Variants in ST6GALNAC3 observed in about 807,000 individuals in gnomAD.
The protein encoded by ST6GALNAC3 is alpha-N-acetylgalactosaminide alpha-2,6-sialyltransferase 3.
ST6GALNAC3 carries 25 observed loss-of-function variants against 32.7 expected under a neutral mutation model. That is an observed-to-expected ratio of 0.76 (90% CI 0.56 to 1.07). The LOEUF is 1.07. Among genes scored for constraint, ST6GALNAC3 ranks in the 50% least tolerant of loss-of-function variants. The probability of loss-of-function intolerance (pLI) is 0.00; values close to 1 mark genes in which losing one functional copy is unlikely to be tolerated. For synonymous variants in ST6GALNAC3, 129 were observed against 133.1 expected (o/e 0.97, Z 0.21); for missense variants, 355 against 382.4 (o/e 0.93, Z 0.60).
intron 1 of ST6GALNAC3, among the ~76,000 whole-genome samples, chr1:76,117,725 C>G (rs1648574720): frequency 1.3e-5 from 2 of 152,148 alleles, no homozygotes; most frequent in African/African-American, 4.8e-5. Context: ...GTAAGATAAT[C>G]AACTACTCTG....
At chr1:76,458,233 C>A (rs1571297384) in intron 3 of ST6GALNAC3, among the ~76,000 whole-genome samples, 23 of 14,640 alleles carry the variant, frequency 1.6e-3, no homozygotes, top group Middle Eastern at 0.021. Flanking sequence ...AGTCAGGAAA[C>A]AACAGGTGCT....
chr1:76,210,442 T>C (rs1268674121), intron 1 of ST6GALNAC3, among the ~76,000 whole-genome samples: 2 of 152,212 alleles, frequency 1.3e-5, no homozygotes, highest in African/African-American at 4.8e-5. Flanking sequence ...GATTGAACCT[T>C]ATCTATATTG....
chr1:76,268,701 G>T (rs1292469556), intron 1 of ST6GALNAC3, among the ~76,000 whole-genome samples: 1 of 152,222 alleles, frequency 6.6e-6, no homozygotes, highest in Non-Finnish European at 1.5e-5. Context: ...AAGTAGATGT[G>T]CTGGAAGTTG....
intron 1 of ST6GALNAC3, among the ~76,000 whole-genome samples, chr1:76,170,896 A>G (rs576959207): frequency 2.0e-5 from 3 of 152,334 alleles, no homozygotes; most frequent in Non-Finnish European, 4.4e-5. Context: ...ATGAGTTTTT[A>G]AACATTTTCC....
At chr1:76,501,924 A>G (rs1661197934) in intron 3 of ST6GALNAC3, among the ~76,000 whole-genome samples, 1 of 152,214 alleles carries the variant, frequency 6.6e-6, no homozygotes, top group African/African-American at 2.4e-5. Context: ...CAGTTCAGCA[A>G]TTTCTGTGAT....
chr1:76,257,296 G>T (rs2100716802), intron 1 of ST6GALNAC3, among the ~76,000 whole-genome samples: 1 of 152,156 alleles, frequency 6.6e-6, no homozygotes, highest in South Asian at 2.1e-4. Flanking sequence ...GAATTACATT[G>T]CTGAGAATTC....
chr1:76,347,059 T>G (rs1648582446), intron 2 of ST6GALNAC3, among the ~76,000 whole-genome samples: 1 of 145,056 alleles, frequency 6.9e-6, no homozygotes, highest in African/African-American at 2.5e-5. Flanking sequence ...GCCACAGCAT[T>G]GTCTAATGAG....
At position 76,290,150 on chromosome 1, in the gene ST6GALNAC3, G is replaced by A. The variant is rs72675968; in HGVS notation, c.19-23655G>A. On this transcript the variant is annotated intron_variant, in intron 1 of 4. Transcript: ENST00000328299. ...TGATAAAAGTAAAAATGCCCCATGA[G>A]CCACATCTGGTTCCAGTTCCCTGCT... Among the ~76,000 whole-genome samples, 1,135 of 152,336 alleles carry A rather than the reference G, an allele frequency of 7.5e-3. 10 individuals carry two copies. The highest frequency in any genetic ancestry group is 0.024 in the Middle Eastern group (7 of 294).
intron 1 of ST6GALNAC3, among the ~76,000 whole-genome samples, chr1:76,148,371 G>T (rs1228051643): frequency 6.6e-6 from 1 of 152,144 alleles, no homozygotes; most frequent in Non-Finnish European, 1.5e-5. Context: ...ATATAGGAAG[G>T]TTTCCGGGGC....
At chr1:76,329,009 T>C (rs1387786008) in intron 2 of ST6GALNAC3, among the ~76,000 whole-genome samples, 1 of 152,202 alleles carries the variant, frequency 6.6e-6, no homozygotes, top group East Asian at 1.9e-4. Context: ...ATGATCATTA[T>C]AATTCTCCTT....
chr1:76,134,016 G>C (rs1473792903), intron 1 of ST6GALNAC3, among the ~76,000 whole-genome samples: 1 of 152,184 alleles, frequency 6.6e-6, no homozygotes, highest in Non-Finnish European at 1.5e-5. Flanking sequence ...AGGAGCCATT[G>C]ACACATGTTT....
chr1:76,610,562 G>A (rs1053854439), intron 3 of ST6GALNAC3, among the ~76,000 whole-genome samples: 1 of 152,172 alleles, frequency 6.6e-6, no homozygotes, highest in African/African-American at 2.4e-5. Context: ...AGGGAGGGAG[G>A]CAACAGAGGC....
chr1:76,624,389 C>T (rs1259025703), intron 3 of ST6GALNAC3, among the ~76,000 whole-genome samples: 1 of 151,886 alleles, frequency 6.6e-6, no homozygotes, highest in East Asian at 1.9e-4. Context: ...AGAGAAGCCA[C>T]TAATGACCAT....
chr1:76,296,496 T>C (rs1329744322), intron 1 of ST6GALNAC3, among the ~76,000 whole-genome samples: 1 of 152,116 alleles, frequency 6.6e-6, no homozygotes, highest in East Asian at 1.9e-4. Flanking sequence ...CTTCTATTCG[T>C]CAATTCTCAA....
chr1:76,222,179 A>G (rs985789947), intron 1 of ST6GALNAC3, among the ~76,000 whole-genome samples: 3 of 152,198 alleles, frequency 2.0e-5, no homozygotes, highest in Non-Finnish European at 2.9e-5. Context: ...TATTTAATAA[A>G]TAGTGCTGGG....
intron 1 of ST6GALNAC3, among the ~76,000 whole-genome samples, chr1:76,197,188 A>G (rs1654252683): frequency 6.6e-6 from 1 of 152,222 alleles, no homozygotes; most frequent in South Asian, 2.1e-4. Flanking sequence ...TTAGAAATGT[A>G]GACTAGTTGT....
intron 3 of ST6GALNAC3, among the ~76,000 whole-genome samples, chr1:76,482,179 C>A (rs552853988): frequency 1.4e-4 from 21 of 151,848 alleles, no homozygotes; most frequent in African/African-American, 4.8e-4. Flanking sequence ...TGCACTTCAT[C>A]TTAGCAGTAA....
intron 1 of ST6GALNAC3, among the ~76,000 whole-genome samples, chr1:76,253,820 A>G (rs1657762539): frequency 6.6e-6 from 1 of 152,124 alleles, no homozygotes; most frequent in African/African-American, 2.4e-5. Flanking sequence ...ATTCTAGCAG[A>G]TGGCATGGGT....
At chr1:76,451,807 GA>G (rs905363643) in intron 3 of ST6GALNAC3, among the ~76,000 whole-genome samples, 6 of 152,126 alleles carry the variant, frequency 3.9e-5, no homozygotes, top group African/African-American at 9.7e-5. Context: ...CCAGTTGCAG[GA>G]GCTTTTTGGA....
Sources: gnomAD v4.1 joint callset for allele counts (sites outside exome capture counted in the v4.1 genomes callset) on GRCh38, gnomAD v4.1.1 for gene constraint, MANE v1.5 for transcripts, NCBI Gene and HGNC (gene_info 2026-07-23, HGNC 2026-07-21) for gene names.